The following AFF2 variants were observed in gnomAD, a reference collection of about 807,000 sequenced individuals.
The protein encoded by AFF2 is AF4/FMR2 family member 2.
Under a neutral mutation model 76.9 loss-of-function variants are expected in AFF2, and 14 were observed. That is an observed-to-expected ratio of 0.18 (90% confidence interval 0.12 to 0.28). AFF2 has a LOEUF of 0.28. Among genes scored for constraint, AFF2 ranks in the 10% least tolerant of loss-of-function variants. The pLI is 1.00. For synonymous variants in AFF2, 398 were observed against 366.7 expected (o/e 1.09, Z -0.98); for missense variants, 868 against 1,001.1 (o/e 0.87, Z 1.79).
At chrX:148,674,011 C>T (rs782628670) in intron 3 of AFF2, among the ~76,000 whole-genome samples, 1 of 111,920 alleles carries the variant, frequency 8.9e-6, no homozygotes. Flanking sequence ...GGTGGGCAAA[C>T]CTTTTCTGAA....
At chrX:148,566,122 C>G (rs1347658376) in intron 1 of AFF2, among the ~76,000 whole-genome samples, 1 of 111,385 alleles carries the variant, frequency 9.0e-6, no homozygotes, top group African/African-American at 3.3e-5. Flanking sequence ...CTTGCAACAA[C>G]TCTGTGAGGT....
At chrX:148,591,847 A>C (rs782538310) in intron 1 of AFF2, among the ~76,000 whole-genome samples, 1 of 112,344 alleles carries the variant, frequency 8.9e-6, no homozygotes, top group Non-Finnish European at 1.9e-5. Flanking sequence ...ATCATTTCTC[A>C]TCAGGGTAAG....
intron 3 of AFF2, among the ~76,000 whole-genome samples, chrX:148,725,699 CGAGACATCTGT>C (rs1172641542): frequency 1.8e-5 from 2 of 111,840 alleles, no homozygotes; most frequent in African/African-American, 6.5e-5. Flanking sequence ...CTGTCTTTGT[CGAGACATCTGT>C]GATCTCTAAT....
chrX:148,819,094 A>G (rs1471774884), intron 4 of AFF2, among the ~76,000 whole-genome samples: 1 of 111,059 alleles, frequency 9.0e-6, no homozygotes, highest in African/African-American at 3.3e-5. Context: ...ATCAATGCCG[A>G]GAAGCAAGTA....
At chrX:148,508,052 C>G (rs1557232700) in intron 1 of AFF2, among the ~76,000 whole-genome samples, 2 of 112,439 alleles carry the variant, frequency 1.8e-5, no homozygotes, top group Non-Finnish European at 3.8e-5. Flanking sequence ...GGTGTAAAAG[C>G]CACACTTTGA....
intron 1 of AFF2, among the ~76,000 whole-genome samples, chrX:148,604,331 G>C (rs1425549910): frequency 8.9e-6 from 1 of 112,575 alleles, no homozygotes; most frequent in African/African-American, 3.2e-5. Context: ...GCAATAAATT[G>C]AGAAACTGCT....
chrX:148,917,952 C>T (rs1557282809), intron 9 of AFF2, among the ~76,000 whole-genome samples: 1 of 111,857 alleles, frequency 8.9e-6, no homozygotes, highest in African/African-American at 3.3e-5. Flanking sequence ...GTTAATTTTG[C>T]CTCATACAGC....
chrX:148,616,843 G>A (rs2053810469), intron 1 of AFF2, among the ~76,000 whole-genome samples: 4 of 109,053 alleles, frequency 3.7e-5, no homozygotes, highest in African/African-American at 1.0e-4. Context: ...TTGTCCTTGC[G>A]ACAGTTTGCT....
At position 148,526,899 on chromosome X, in the gene AFF2, C is replaced by G. The variant is rs150411614; in HGVS notation, c.47+25755C>G. Among the ~76,000 whole-genome samples the G allele has an allele frequency of 2.8e-3, 310 of 111,753 alleles. 1 individual carries two copies. Among genetic ancestry groups the G allele is most frequent in the African/African-American group, 8.2e-3 (253 of 30,749 alleles). On this transcript the variant is annotated intron_variant, in intron 1 of 20. Transcript: ENST00000370460. ...TTTAGCTCACATGATCCACAATATA[C>G]TTAGTTATTTAGTCAATCCAAATGT...
chrX:148,963,071 A>G (rs1217909940), intron 13 of AFF2, 134 bp downstream of exon 13: 1 of 459,400 alleles, frequency 2.2e-6, no homozygotes, highest in East Asian at 3.7e-5. Context: ...GCCTGTGTAT[A>G]CAAATACACA....
chrX:148,794,557 A>G, intron 3 of AFF2, among the ~76,000 whole-genome samples: 1 of 112,122 alleles, frequency 8.9e-6, no homozygotes, highest in African/African-American at 3.2e-5. Context: ...TTGTGATAAC[A>G]GCAGGTGCTT....
chrX:148,782,206 A>T (rs1260115015), intron 3 of AFF2, among the ~76,000 whole-genome samples: 3 of 112,053 alleles, frequency 2.7e-5, no homozygotes, highest in Non-Finnish European at 5.6e-5. Context: ...TAATGTTCAC[A>T]GATTCCAGGG....
At chrX:148,554,533 A>G (rs1384694910) in intron 1 of AFF2, among the ~76,000 whole-genome samples, 2 of 111,999 alleles carry the variant, frequency 1.8e-5, no homozygotes, top group East Asian at 5.6e-4. Context: ...CACAGTCTCA[A>G]TCCTGCTGAA....
At chrX:148,916,371 G>A (rs998438724) in intron 9 of AFF2, among the ~76,000 whole-genome samples, 1 of 107,638 alleles carries the variant, frequency 9.3e-6, no homozygotes, top group East Asian at 2.9e-4. Context: ...CACCACGCCC[G>A]GCTAATTTTT....
At chrX:148,691,102 G>T (rs1186231543) in intron 3 of AFF2, among the ~76,000 whole-genome samples, 2 of 111,763 alleles carry the variant, frequency 1.8e-5, no homozygotes, top group Non-Finnish European at 1.9e-5. Flanking sequence ...ATATGAATTG[G>T]AAGGGGGCAC....
At chrX:148,764,645 T>C (rs1327204192) in intron 3 of AFF2, among the ~76,000 whole-genome samples, 1 of 112,470 alleles carries the variant, frequency 8.9e-6, no homozygotes, top group Non-Finnish European at 1.9e-5. Context: ...GCAAAGTCTC[T>C]TTTCGTACGT....
rs781946759 is a variant in AFF2, at chrX:148,689,827, A to G, written c.1041+27059A>G. Among the ~76,000 whole-genome samples the G allele has an allele frequency of 4.5e-5, 5 of 112,124 alleles. No homozygotes were observed. The Admixed American group carries it at 4.7e-4, about 11-fold the overall frequency. On this transcript the variant is annotated intron_variant, in intron 3 of 20. Transcript: ENST00000370460. The stretch of plus-strand genomic sequence containing the variant: ...TGTTAAGGCAAACTTGGATACTCAG[A>G]AAGTATTTGGCTGGCTTTGTTGCAT...
At chrX:148,865,685 A>C (rs1229392839) in intron 7 of AFF2, among the ~76,000 whole-genome samples, 1 of 112,333 alleles carries the variant, frequency 8.9e-6, no homozygotes, top group Non-Finnish European at 1.9e-5. Flanking sequence ...AAAATGAGGC[A>C]GAGTGTAGAA....
At chrX:148,685,495 T>C (rs1299453700) in intron 3 of AFF2, among the ~76,000 whole-genome samples, 1 of 112,040 alleles carries the variant, frequency 8.9e-6, no homozygotes, top group Non-Finnish European at 1.9e-5. Flanking sequence ...TTATAAAAAC[T>C]TGAATTTTTG....
Sources: gnomAD v4.1 joint callset for allele counts (sites outside exome capture counted in the v4.1 genomes callset) on GRCh38, gnomAD v4.1.1 for gene constraint, MANE v1.5 for transcripts, NCBI Gene and HGNC (gene_info 2026-07-23, HGNC 2026-07-21) for gene names.